Variants in KANSL1L observed in about 807,000 individuals in gnomAD.
KANSL1L encodes the protein KAT8 regulatory NSL complex subunit 1 like, also known as KAT8 regulatory NSL complex subunit 1-like protein.
A neutral mutation model predicts 108.6 loss-of-function variants in KANSL1L; 25 were observed. The observed-to-expected ratio is 0.23, with a 90% confidence interval of 0.17 to 0.32. KANSL1L has a LOEUF of 0.32. KANSL1L is among the 10% of genes least tolerant of loss of function. The pLI is 1.00. For missense variants in KANSL1L, 1,137 were observed against 1,125.7 expected, an observed-to-expected ratio of 1.01 and a Z score of -0.14; for synonymous variants, 405 against 395.1, an observed-to-expected ratio of 1.03 and a Z score of -0.30.
intron 8 of KANSL1L, among the ~76,000 whole-genome samples, chr2:210,038,062 A>G (rs900366930): frequency 3.3e-5 from 5 of 152,108 alleles, no homozygotes; most frequent in African/African-American, 1.2e-4. Context: ...TTCCATCCTT[A>G]TATGAACTTT....
At position 210,154,618 on chromosome 2, in the gene KANSL1L, T is replaced by C; in HGVS notation, c.-29-7A>G. Reference sequence around the variant, plus strand: ...GTAGATAAGTATTGGAAACCTACAATAATGTAAAAATAAATGGTCAAATAT... The same window carrying C: ...GTAGATAAGTATTGGAAACCTACAACAATGTAAAAATAAATGGTCAAATAT... On this transcript the variant is annotated splice_polypyrimidine_tract_variant and splice_region_variant and intron_variant, in intron 1 of 14. Transcript: ENST00000281772. 7.2e-7 allele frequency: 1 copy of C among 1,390,070 alleles called. No homozygotes were observed. Among genetic ancestry groups the C allele is most frequent in the East Asian group, 2.5e-5 (1 of 39,838 alleles). 86.1% of individuals were successfully genotyped at this position (1,390,070 alleles called of 1,614,324 possible). A position where few individuals can be genotyped will look rare whatever the true frequency, so the allele number is the denominator to read the frequency against.
intron 6 of KANSL1L, among the ~76,000 whole-genome samples, chr2:210,051,319 A>G (rs775731071): frequency 6.6e-6 from 1 of 152,150 alleles, no homozygotes; most frequent in Non-Finnish European, 1.5e-5. Flanking sequence ...ATTTTGACTA[A>G]GATTACCTTA....
intron 3 of KANSL1L, among the ~76,000 whole-genome samples, chr2:210,119,542 A>C (rs987738073): frequency 7.9e-5 from 12 of 152,232 alleles, no homozygotes; most frequent in Non-Finnish European, 1.5e-4. Context: ...ACACACGCAA[A>C]TTAATCAATC....
chr2:210,139,534 GT>G (rs1374547800), intron 2 of KANSL1L, among the ~76,000 whole-genome samples: 3 of 152,100 alleles, frequency 2.0e-5, no homozygotes, highest in Non-Finnish European at 4.4e-5. Context: ...GTGTACAAGA[GT>G]TTCCTTTTAT....
At chr2:210,102,562 A>G (rs1022338872) in intron 4 of KANSL1L, among the ~76,000 whole-genome samples, 8 of 152,152 alleles carry the variant, frequency 5.3e-5, no homozygotes, top group African/African-American at 1.9e-4. Context: ...TTTGCAATCT[A>G]CCTATCTGAC....
At chr2:210,149,559 T>C (rs1195589719) in intron 2 of KANSL1L, among the ~76,000 whole-genome samples, 1 of 152,096 alleles carries the variant, frequency 6.6e-6, no homozygotes, top group Non-Finnish European at 1.5e-5. Context: ...AAAAATCTTT[T>C]CACAAACGTA....
intron 6 of KANSL1L, among the ~76,000 whole-genome samples, chr2:210,070,534 C>A (rs899786936): frequency 6.6e-6 from 1 of 152,048 alleles, no homozygotes; most frequent in African/African-American, 2.4e-5. Flanking sequence ...CCAGCCCTCT[C>A]CTTTCTCTTA....
At chr2:210,023,643 A>G (rs2093892483) in intron 14 of KANSL1L, among the ~76,000 whole-genome samples, 1 of 152,208 alleles carries the variant, frequency 6.6e-6, no homozygotes, top group African/African-American at 2.4e-5. Flanking sequence ...TTATGGATGC[A>G]GTGTTAGAAA....
chr2:210,030,967 G>A (rs1257044418), intron 9 of KANSL1L: 2 of 152,224 alleles, frequency 1.3e-5, no homozygotes, highest in African/African-American at 4.8e-5. Context: ...ACTTCATGTT[G>A]CATCTTATTA....
chr2:210,134,228 G>T (rs570601092), intron 2 of KANSL1L, among the ~76,000 whole-genome samples: 1 of 151,970 alleles, frequency 6.6e-6, no homozygotes, highest in Non-Finnish European at 1.5e-5. Flanking sequence ...GCTTCTGAAC[G>T]TTCAATGGTT....
chr2:210,036,943 G>T (rs963216533), intron 8 of KANSL1L, among the ~76,000 whole-genome samples: 2 of 151,384 alleles, frequency 1.3e-5, no homozygotes, highest in African/African-American at 4.9e-5. Context: ...TTTTTGTAGA[G>T]ATGGGGTTTC....
intron 13 of KANSL1L, 94 bp downstream of exon 13, chr2:210,025,010 T>C: frequency 1.3e-6 from 1 of 766,076 alleles, no homozygotes; most frequent in Non-Finnish European, 2.4e-6. Flanking sequence ...CAACAGCATG[T>C]TTTCCTTTTT....
At chr2:210,114,568 G>A (rs567204590) in intron 3 of KANSL1L, among the ~76,000 whole-genome samples, 59 of 152,022 alleles carry the variant, frequency 3.9e-4, no homozygotes, top group Non-Finnish European at 7.9e-4. Context: ...ATAACAGCTA[G>A]TATTATTGTA....
intron 5 of KANSL1L, among the ~76,000 whole-genome samples, chr2:210,080,622 G>T (rs1222320422): frequency 6.6e-6 from 1 of 152,158 alleles, no homozygotes; most frequent in African/African-American, 2.4e-5. Context: ...TGCTATGTGG[G>T]CTGTAGACTA....
chr2:210,144,899 C>T (rs2095255025), intron 2 of KANSL1L, among the ~76,000 whole-genome samples: 1 of 152,150 alleles, frequency 6.6e-6, no homozygotes, highest in African/African-American at 2.4e-5. Flanking sequence ...TTGCTTGTTA[C>T]TTTGCATTAA....
chr2:210,125,860 C>T (rs1356972808), intron 3 of KANSL1L, among the ~76,000 whole-genome samples: 1 of 151,998 alleles, frequency 6.6e-6, no homozygotes, highest in Non-Finnish European at 1.5e-5. Flanking sequence ...TATGAAAACC[C>T]CCTGAAAATC....
chr2:210,167,972 AAAAG>A (rs1688086440), intron 1 of KANSL1L, among the ~76,000 whole-genome samples: 1 of 152,056 alleles, frequency 6.6e-6, no homozygotes, highest in Admixed American at 6.6e-5. Context: ...ATTTAAAAGA[AAAAG>A]AAAGGTAGAA....
intron 5 of KANSL1L, among the ~76,000 whole-genome samples, chr2:210,084,760 T>C (rs994823854): frequency 6.6e-6 from 1 of 152,090 alleles, no homozygotes; most frequent in Non-Finnish European, 1.5e-5. Flanking sequence ...ACTACAGGTA[T>C]GTGCCACCAC....
chr2:210,081,496 C>T (rs965420329), intron 5 of KANSL1L, among the ~76,000 whole-genome samples: 7 of 152,306 alleles, frequency 4.6e-5, no homozygotes, highest in South Asian at 4.1e-4. Context: ...ACTCACTGTT[C>T]ACCTCTCCTT....
Sources: gnomAD v4.1 joint callset for allele counts (sites outside exome capture counted in the v4.1 genomes callset) on GRCh38, gnomAD v4.1.1 for gene constraint, MANE v1.5 for transcripts, NCBI Gene and HGNC (gene_info 2026-07-23, HGNC 2026-07-21) for gene names.